Variants in MYOCD observed in about 807,000 individuals in gnomAD.
The protein encoded by MYOCD is myocardin.
MYOCD carries 32 observed loss-of-function variants against 96.1 expected under a neutral mutation model. That is an observed-to-expected ratio of 0.33 (90% CI 0.25 to 0.45). MYOCD has a LOEUF of 0.45. Among genes scored for constraint, MYOCD ranks in the 20% least tolerant of loss-of-function variants. MYOCD has a pLI of 1.00. For synonymous variants in MYOCD, 469 were observed against 469.0 expected (o/e 1.00, Z 0.00); for missense variants, 1,133 against 1,200.6 (o/e 0.94, Z 0.83).
At chr17:12,702,040 C>T (rs2031096960) in intron 1 of MYOCD, among the ~76,000 whole-genome samples, 1 of 152,012 alleles carries the variant, frequency 6.6e-6, no homozygotes, top group Non-Finnish European at 1.5e-5. Flanking sequence ...TAGTGCTAAA[C>T]AAATATTAAT....
intron 2 of MYOCD, among the ~76,000 whole-genome samples, chr17:12,711,052 G>A (rs1053214723): frequency 2.0e-5 from 3 of 152,104 alleles, no homozygotes; most frequent in Admixed American, 1.3e-4. Flanking sequence ...AGCTACATTG[G>A]GAAAATGCAC....
At chr17:12,738,822 C>T (rs1050767080) in intron 6 of MYOCD, among the ~76,000 whole-genome samples, 1 of 151,460 alleles carries the variant, frequency 6.6e-6, no homozygotes, top group African/African-American at 2.4e-5. Flanking sequence ...ACAGGTGGAA[C>T]GCCCACACAC....
chr17:12,711,990 C>G (rs376347304), intron 2 of MYOCD, among the ~76,000 whole-genome samples: 4 of 146,918 alleles, frequency 2.7e-5, no homozygotes, highest in South Asian at 4.3e-4. Context: ...GTGGCGCGAT[C>G]TTGGCTCACT....
intron 9 of MYOCD, among the ~76,000 whole-genome samples, chr17:12,746,379 A>T (rs2032664368): frequency 6.6e-6 from 1 of 152,192 alleles, no homozygotes; most frequent in Non-Finnish European, 1.5e-5. Context: ...ATGCCATCCC[A>T]TGGTAGAAGG....
At chr17:12,691,151 T>C (rs2030427099) in intron 1 of MYOCD, among the ~76,000 whole-genome samples, 1 of 152,168 alleles carries the variant, frequency 6.6e-6, no homozygotes. Context: ...CTCAAAACTC[T>C]TTAAATAGAA....
chr17:12,739,516 C>G lies in MYOCD; in HGVS notation c.717+188C>G, dbSNP rs76436033. Among the ~76,000 whole-genome samples the G allele has an allele frequency of 6.4e-3, 980 of 152,326 alleles. 17 individuals are homozygous for G. The highest frequency in any genetic ancestry group is 0.038 in the East Asian group (195 of 5,178). ...ATGGGTCACCATCCTTGCAGCACAG[C>G]AGAAGTCACCTCTGCCACGGAGAAG... On this transcript the variant is annotated intron_variant, in intron 7 of 13. Transcript: ENST00000425538.
At chr17:12,682,912 C>T (rs950079229) in intron 1 of MYOCD, among the ~76,000 whole-genome samples, 2 of 151,994 alleles carry the variant, frequency 1.3e-5, no homozygotes, top group African/African-American at 4.8e-5. Flanking sequence ...TCTTTGTTTG[C>T]AAATAATAGA....
intron 8 of MYOCD, 93 bp downstream of exon 8, chr17:12,744,529 G>A (rs2032607594): frequency 2.1e-6 from 3 of 1,456,874 alleles, no homozygotes; most frequent in Non-Finnish European, 1.8e-6. Flanking sequence ...GGCCTAGCAA[G>A]TCCTGTATTG....
At chr17:12,715,419 C>G in intron 2 of MYOCD, 100 bp from the exon 3 acceptor site, 1 of 931,592 alleles carries the variant, frequency 1.1e-6, no homozygotes, top group Non-Finnish European at 1.7e-6. Context: ...GCAATCACCT[C>G]CCTACTGTGC....
rs149120971 is a variant in MYOCD, at chr17:12,710,612, A to G, written c.122-4907A>G. 6.5e-3 allele frequency: 3,249 copies of G among 496,238 alleles called. 16 individuals carry two copies. The highest frequency in any genetic ancestry group is 9.4e-3 in the Admixed American group (148 of 15,720). 30.7% of individuals were successfully genotyped at this position (496,238 alleles called of 1,614,324 possible). A position where few individuals can be genotyped will look rare whatever the true frequency, so the allele number is the denominator to read the frequency against. The stretch of plus-strand genomic sequence containing the variant: ...GGGGCAATTCCCGCACCCATATCAC[A>G]TGCAGCTTCACGATAGTTTTGAGAA... On this transcript the variant is annotated intron_variant, in intron 2 of 13. Coordinates refer to ENST00000425538, the MANE Select transcript of MYOCD (RefSeq NM_001146312.3).
intron 13 of MYOCD, 64 bp downstream of exon 13, chr17:12,760,771 C>T: frequency 2.3e-6 from 3 of 1,321,892 alleles, no homozygotes; most frequent in Non-Finnish European, 2.2e-6. Context: ...AAGGAATGAA[C>T]TCTCGGTACC....
intron 5 of MYOCD, among the ~76,000 whole-genome samples, chr17:12,723,594 A>G (rs1039995127): frequency 6.6e-6 from 1 of 152,228 alleles, no homozygotes; most frequent in Non-Finnish European, 1.5e-5. Context: ...ATTCTGTTAT[A>G]AACTGTATAA....
At chr17:12,676,245 G>GCACACACACACA (rs36211306) in intron 1 of MYOCD, among the ~76,000 whole-genome samples, 6 of 145,586 alleles carry the variant, frequency 4.1e-5, no homozygotes, top group African/African-American at 1.5e-4. Context: ...GCGCGCGCAC[G>GCACACACACACA]CACACACACA....
rs530538480 is a variant in MYOCD at position 12,743,561 on chromosome 17, CG to C, written c.718-620del. 2.5e-4 allele frequency among the ~76,000 whole-genome samples: 35 copies of C among 141,240 alleles called. No individual in the cohort carries two copies. In the South Asian group the frequency reaches 7.2e-3, roughly 29 times the overall value. 92.7% of individuals were successfully genotyped at this position (141,240 alleles called of 152,430 possible). ...AGGCTGGAGTGCAATGGCGTGATCT[CG>C]GCTCACTGCAACCTCTGCCTCCTGG... On this transcript the variant is annotated intron_variant, in intron 7 of 13. Transcript: ENST00000425538.
intron 8 of MYOCD, 57 bp from the exon 9 acceptor site, chr17:12,745,862 C>T: frequency 6.3e-7 from 1 of 1,579,046 alleles, no homozygotes; most frequent in Non-Finnish European, 8.7e-7. Flanking sequence ...GATCTAAATG[C>T]AAGTTATCCC....
At chr17:12,734,660 G>A (rs893225675) in intron 5 of MYOCD, among the ~76,000 whole-genome samples, 6 of 151,636 alleles carry the variant, frequency 4.0e-5, no homozygotes, top group Admixed American at 6.6e-5. Flanking sequence ...ACAGGTGCTC[G>A]CCACCATGTC....
chr17:12,750,598 A>G (rs1210133352), intron 9 of MYOCD, among the ~76,000 whole-genome samples: 6 of 152,088 alleles, frequency 3.9e-5, no homozygotes, highest in Non-Finnish European at 5.9e-5. Context: ...CTGAGGCGGG[A>G]GAATTGCTTG....
At chr17:12,758,238 G>A (rs376175103) in intron 12 of MYOCD, 25 bp downstream of exon 12, 1 of 1,613,758 alleles carries the variant, frequency 6.2e-7, no homozygotes, top group African/African-American at 1.3e-5. Flanking sequence ...TGTTCTTTAT[G>A]GAAGAATAGA....
intron 5 of MYOCD, among the ~76,000 whole-genome samples, chr17:12,735,422 T>C (rs1315596277): frequency 6.6e-6 from 1 of 152,036 alleles, no homozygotes; most frequent in African/African-American, 2.4e-5. Context: ...AGCAAAACCA[T>C]GCAGGCGGCA....
Sources: allele counts gnomAD v4.1 joint callset (sites outside exome capture counted in the v4.1 genomes callset), GRCh38; gene constraint gnomAD v4.1.1; transcripts MANE v1.5; gene names NCBI Gene and HGNC (gene_info 2026-07-23, HGNC 2026-07-21).